Variants in RGS3 observed in about 807,000 individuals in gnomAD.
The protein encoded by RGS3 is regulator of G protein signaling 3.
Under a neutral mutation model 132.6 loss-of-function variants are expected in RGS3, and 80 were observed. That is an observed-to-expected ratio of 0.60 (90% CI 0.50 to 0.73). The LOEUF (loss-of-function observed/expected upper bound fraction) is 0.73, where lower values mean the gene tolerates loss of function less well. Among genes scored for constraint, RGS3 ranks in the 30% least tolerant of loss-of-function variants. The pLI is 0.00. For missense variants in RGS3, 1,382 were observed against 1,530.8 expected, an observed-to-expected ratio of 0.90 and a Z score of 1.62; for synonymous variants, 598 against 620.6, an observed-to-expected ratio of 0.96 and a Z score of 0.54.
chr9:113,512,613 G>C (rs1831456759), intron 14 of RGS3, among the ~76,000 whole-genome samples: 1 of 152,142 alleles, frequency 6.6e-6, no homozygotes, highest in Admixed American at 6.5e-5. Context: ...GGTGCGCGTT[G>C]GTGGGGAGCT....
chr9:113,463,697 C>A lies in RGS3; in HGVS notation c.415+1496C>A. On this transcript the variant is annotated intron_variant, in intron 3 of 24. Transcript: ENST00000350696. This position sits in a 1 kb window ranked among gnomAD's most constrained non-coding sequence, Gnocchi z 4.6. ...TGGCCGTTCCAACGCTTGGGGCAGC[C>A]CTACCTCCCGCTCGCGCTCCTCCCG... The A allele has an allele frequency of 7.0e-7, 1 of 1,435,708 alleles. No homozygotes were observed. The highest frequency in any genetic ancestry group is 1.5e-5 in the South Asian group (1 of 67,646). The allele number at this position is 1,435,708 out of a possible 1,614,324, so 88.9% of individuals were successfully genotyped here.
intron 1 of RGS3, among the ~76,000 whole-genome samples, chr9:113,452,804 A>G (rs1564436814): frequency 1.3e-5 from 2 of 148,912 alleles, no homozygotes; most frequent in Non-Finnish European, 3.0e-5. Flanking sequence ...TTTTTTGTGC[A>G]ATGTCTAACC....
intron 19 of RGS3, among the ~76,000 whole-genome samples, chr9:113,566,753 G>C (rs572409220): frequency 6.6e-6 from 1 of 152,340 alleles, no homozygotes; most frequent in Non-Finnish European, 1.5e-5. Flanking sequence ...AGGCCTTCTG[G>C]CTGGGTGGCT....
chr9:113,536,650 T>G, intron 18 of RGS3, 146 bp from the exon 17 acceptor site: 10 of 1,477,910 alleles, frequency 6.8e-6, no homozygotes, highest in African/African-American at 2.8e-5. Flanking sequence ...TCACTGGGGA[T>G]TAGTGTGCAT....
At chr9:113,508,324 G>A (rs1367826758) in intron 13 of RGS3, among the ~76,000 whole-genome samples, 2 of 152,176 alleles carry the variant, frequency 1.3e-5, no homozygotes, top group Non-Finnish European at 1.5e-5. Flanking sequence ...AAGGGGTTAG[G>A]CTTCATGACC....
intron 19 of RGS3, among the ~76,000 whole-genome samples, chr9:113,543,775 G>A (rs957034370): frequency 9.9e-5 from 15 of 152,178 alleles, no homozygotes; most frequent in African/African-American, 3.1e-4. Context: ...CTGGGGACAG[G>A]ACTTTTCACC....
intron 19 of RGS3, among the ~76,000 whole-genome samples, chr9:113,553,497 TATA>T (rs1833444428): frequency 1.6e-5 from 2 of 126,732 alleles, no homozygotes; most frequent in South Asian, 4.8e-4. Flanking sequence ...TATATGTATA[TATA>T]ATATTATATA....
chr9:113,562,581 G>A (rs536492208), intron 19 of RGS3, among the ~76,000 whole-genome samples: 1 of 152,222 alleles, frequency 6.6e-6, no homozygotes, highest in South Asian at 2.1e-4. Flanking sequence ...GTGCTGTCAT[G>A]TGTCAGATAA....
At chr9:113,595,029 C>T (rs892275296) in intron 23 of RGS3, 49 bp downstream of exon 21, 28 of 1,563,630 alleles carry the variant, frequency 1.8e-5, no homozygotes, top group Non-Finnish European at 2.5e-5. Flanking sequence ...TCCCTCTCCC[C>T]TTCGCCCCCA....
intron 17 of RGS3, among the ~76,000 whole-genome samples, chr9:113,523,767 C>T (rs1448861260): frequency 2.0e-5 from 3 of 152,178 alleles, no homozygotes; most frequent in African/African-American, 7.2e-5. Context: ...AAACAACAGA[C>T]CCGTTTGAGG....
intron 16 of RGS3, among the ~76,000 whole-genome samples, chr9:113,520,451 T>C (rs1831889639): frequency 6.6e-6 from 1 of 152,220 alleles, no homozygotes; most frequent in Non-Finnish European, 1.5e-5. Context: ...AGTGGTGGCC[T>C]GGGCCTTTTC....
chr9:113,488,712 T>C (rs916721024), intron 7 of RGS3, among the ~76,000 whole-genome samples: 1 of 152,208 alleles, frequency 6.6e-6, no homozygotes, highest in Non-Finnish European at 1.5e-5. Flanking sequence ...TTAAACAAAC[T>C]ACAGCCAAAC....
At chr9:113,564,271 T>C (rs574984714) in intron 19 of RGS3, among the ~76,000 whole-genome samples, 1 of 152,198 alleles carries the variant, frequency 6.6e-6, no homozygotes, top group Non-Finnish European at 1.5e-5. Context: ...TTTGGACTCT[T>C]CATCTGTAAC....
rs1564577480 is a variant in RGS3 at position 113,565,606 on chromosome 9, C to CG, written c.2038-17842dup. 1.2e-5 allele frequency: 3 copies of CG among 255,170 alleles called. No homozygotes were observed. The highest frequency in any genetic ancestry group is 6.8e-5 in the African/African-American group (3 of 43,946). The allele number at this position is 255,170 out of a possible 1,614,324, so 15.8% of individuals were successfully genotyped here. On this transcript the variant is annotated intron_variant, in intron 19 of 24. Transcript: ENST00000350696. This position sits in a 1 kb window ranked among gnomAD's most constrained non-coding sequence, Gnocchi z 5.7. ...GTCTGGGGAAGGCAGCCGCTTGACA[C>CG]GGCCGCCAGGAGCTGCCACAGCCAC... is the stretch of plus-strand genomic sequence containing the variant.
intron 19 of RGS3, among the ~76,000 whole-genome samples, chr9:113,546,904 C>T (rs187175649): frequency 3.7e-4 from 57 of 152,288 alleles, no homozygotes; most frequent in African/African-American, 1.3e-3. Flanking sequence ...TGGTATTCAC[C>T]GTGTGACCTT....
At chr9:113,451,792 G>A (rs896962305) in intron 1 of RGS3, among the ~76,000 whole-genome samples, 1 of 151,572 alleles carries the variant, frequency 6.6e-6, no homozygotes, top group Admixed American at 6.6e-5. Flanking sequence ...AGCATTTCCA[G>A]TGTTCTCTTT....
At chr9:113,535,365 G>A (rs955702440) in intron 18 of RGS3, among the ~76,000 whole-genome samples, 2 of 152,134 alleles carry the variant, frequency 1.3e-5, no homozygotes, top group African/African-American at 4.8e-5. Flanking sequence ...TAGAGATGGG[G>A]TTTCAGCATG....
intron 19 of RGS3, among the ~76,000 whole-genome samples, chr9:113,547,694 G>A (rs768914167): frequency 6.6e-6 from 1 of 152,210 alleles, no homozygotes; most frequent in Admixed American, 6.5e-5. Context: ...ATTTCCGCGT[G>A]GAATTTGTGG....
chr9:113,498,136 C>T, intron 10 of RGS3, 56 bp downstream of exon 8: 2 of 1,548,202 alleles, frequency 1.3e-6, no homozygotes, highest in South Asian at 2.2e-5. Flanking sequence ...TCCTTGACAG[C>T]CCCTGGGCCC....
Sources: gnomAD v4.1 joint callset for allele counts (sites outside exome capture counted in the v4.1 genomes callset) on GRCh38, gnomAD v4.1.1 for gene constraint, Gnocchi (gnomAD v3.1) non-coding constraint, MANE v1.5 for transcripts, NCBI Gene and HGNC (gene_info 2026-07-23, HGNC 2026-07-21) for gene names.